Variants in PIAS4 observed in about 807,000 individuals in gnomAD.
PIAS4 encodes protein inhibitor of activated STAT 4, also known as E3 SUMO-protein ligase PIAS4.
In PIAS4, 7 loss-of-function variants were observed where a neutral mutation model predicts 58.0. The ratio of observed to expected loss-of-function variants is 0.12; its 90% CI spans 0.07 to 0.23. The LOEUF (loss-of-function observed/expected upper bound fraction) is 0.23. Among genes scored for constraint, PIAS4 ranks in the 10% least tolerant of loss-of-function variants. The probability of loss-of-function intolerance (pLI) is 1.00; values close to 1 mark genes in which losing one functional copy is unlikely to be tolerated. For missense variants in PIAS4, 550 were observed against 709.5 expected (o/e 0.78, Z 2.55); for synonymous variants, 364 against 312.4 (o/e 1.17, Z -1.74).
At position 4,033,092 on chromosome 19, in the gene PIAS4, C is replaced by T. The variant is rs766299411; in HGVS notation, c.908-8C>T. 7 of 1,610,452 alleles carry T rather than the reference C, an allele frequency of 4.3e-6. No homozygotes were observed. Among genetic ancestry groups the T allele is most frequent in the South Asian group, 1.1e-5 (1 of 91,072 alleles). ...CTCCTGACGGTGTCTTCCGTTCCCT[C>T]CCCACAGTCAAGGAGAAGCTGCGCC... On this transcript the variant is annotated splice_region_variant and splice_polypyrimidine_tract_variant and intron_variant, in intron 7 of 10. Coordinates refer to ENST00000262971, the MANE Select transcript of PIAS4 (RefSeq NM_015897.4).
At position 4,037,306 on chromosome 19, in the gene PIAS4, T is replaced by C; in HGVS notation, c.1143-68T>C. The C allele has an allele frequency of 7.9e-7, 1 of 1,270,168 alleles. No homozygotes were observed. Among genetic ancestry groups the C allele is most frequent in the Non-Finnish European group, 1.0e-6 (1 of 962,456 alleles). 78.7% of individuals were successfully genotyped at this position (1,270,168 alleles called of 1,614,324 possible). On this transcript the variant is annotated intron_variant, in intron 9 of 10. Transcript: ENST00000262971. This position sits in a 1 kb window ranked among gnomAD's most constrained non-coding sequence, Gnocchi z 5.8. The stretch of plus-strand genomic sequence containing the variant: ...AGTGCCTGGCTGCATCCGGGAGGGA[T>C]GGAGGGCTGGGGAGTTGGGGGGGTG...
chr19:4,036,965 GCACA>G (rs370127664), intron 9 of PIAS4, among the ~76,000 whole-genome samples: 1 of 152,112 alleles, frequency 6.6e-6, no homozygotes, highest in South Asian at 2.1e-4. Context: ...ATGCACACGT[GCACA>G]CACACGCACA....
At chr19:4,012,207 CA>C (rs1250149794) in intron 1 of PIAS4, among the ~76,000 whole-genome samples, 2 of 151,878 alleles carry the variant, frequency 1.3e-5, no homozygotes, top group East Asian at 3.9e-4. Flanking sequence ...CCCACAGGCC[CA>C]GCCCTGTGTT....
intron 2 of PIAS4, among the ~76,000 whole-genome samples, chr19:4,022,527 C>A (rs1014212435): frequency 6.6e-6 from 1 of 151,154 alleles, no homozygotes; most frequent in Non-Finnish European, 1.5e-5. Context: ...CCACTACACC[C>A]AGCTAATTTT....
At position 4,036,345 on chromosome 19, in the gene PIAS4, A is replaced by C. The variant is rs1473869697; in HGVS notation, c.1143-1029A>C. ...TTACATGCACACATCTATACAGTCC[A>C]CACCGTCACACATCTATACAGTCCA... On this transcript the variant is annotated intron_variant, in intron 9 of 10. Transcript: ENST00000262971. Among the ~76,000 whole-genome samples, 3 of 119,610 alleles carry C rather than the reference A, an allele frequency of 2.5e-5. 1 individual carries two copies. The Admixed American group carries it at 2.6e-4, about 10-fold the overall frequency. 78.5% of individuals were successfully genotyped at this position (119,610 alleles called of 152,430 possible). A position where few individuals can be genotyped will look rare whatever the true frequency, so the allele number is the denominator to read the frequency against.
intron 2 of PIAS4, among the ~76,000 whole-genome samples, chr19:4,019,089 G>C (rs891023062): frequency 6.6e-6 from 1 of 152,118 alleles, no homozygotes; most frequent in Non-Finnish European, 1.5e-5. Context: ...TTTGAAAACA[G>C]AGCTGACAGG....
intron 2 of PIAS4, among the ~76,000 whole-genome samples, chr19:4,017,102 C>T (rs1395864604): frequency 6.6e-6 from 1 of 152,186 alleles, no homozygotes; most frequent in Non-Finnish European, 1.5e-5. Flanking sequence ...GTCACTGTCC[C>T]ACATGTGGGG....
At chr19:4,025,081 C>T (rs1436776896) in intron 3 of PIAS4, among the ~76,000 whole-genome samples, 3 of 152,186 alleles carry the variant, frequency 2.0e-5, no homozygotes, top group African/African-American at 4.8e-5. Flanking sequence ...GGTTTTTTCC[C>T]AGTTATATAA....
rs1347074508 is a variant in PIAS4, at chr19:4,007,901, G to C, written c.27+114G>C. On this transcript the variant is annotated intron_variant, in intron 1 of 10. Coordinates refer to ENST00000262971, the MANE Select transcript of PIAS4 (RefSeq NM_015897.4). ...GGCCCCACAGCGCGGCCGGCCCGCG[G>C]CTCGCCGTCCCGGCCCCCAGACCCC... is the stretch of plus-strand genomic sequence containing the variant. 3 of 795,512 alleles carry C rather than the reference G, an allele frequency of 3.8e-6. No homozygotes were observed. In the East Asian group the frequency reaches 1.2e-4, roughly 32 times the overall value. The allele number at this position is 795,512 out of a possible 1,614,324, so 49.3% of individuals were successfully genotyped here. A position where few individuals can be genotyped will look rare whatever the true frequency, so the allele number is the denominator to read the frequency against.
chr19:4,033,015 G>A (rs1048725104), intron 7 of PIAS4, 85 bp from the exon 8 acceptor site: 39 of 1,069,796 alleles, frequency 3.6e-5, no homozygotes, highest in Non-Finnish European at 5.3e-5. Context: ...GGAGGTGGAC[G>A]TCAGTGCCGG....
chr19:4,028,069 C>T (rs4520954), intron 3 of PIAS4, 77 bp from the exon 4 acceptor site: 1,298,310 of 1,416,516 alleles, frequency 0.92, 597,438 homozygotes, highest in East Asian at 0.97. Flanking sequence ...CGGTCTCCAC[C>T]TTGTCGGGTG....
rs185011256 is a variant in PIAS4 at position 4,026,397 on chromosome 19, G to C, written c.540-1749G>C. Among the ~76,000 whole-genome samples, 864 of 151,746 alleles carry C rather than the reference G, an allele frequency of 5.7e-3. 9 individuals are homozygous for C. Among genetic ancestry groups the C allele is most frequent in the South Asian group, 0.032 (155 of 4,824 alleles). On this transcript the variant is annotated intron_variant, in intron 3 of 10. Transcript: ENST00000262971. ...CCACCCCACATCTGCCTCCCAAAGTGCTGGGATTACAGGCGTGAGCCACCC... is the reference window on the plus strand; with the variant it reads ...CCACCCCACATCTGCCTCCCAAAGTCCTGGGATTACAGGCGTGAGCCACCC...
Position 4,013,790 on chromosome 19 carries a change from C to T in PIAS4, c.454+441C>T, listed in dbSNP as rs1172814321. On this transcript the variant is annotated intron_variant, in intron 2 of 10. Coordinates refer to ENST00000262971, the MANE Select transcript of PIAS4 (RefSeq NM_015897.4). This position sits in a 1 kb window ranked among gnomAD's most constrained non-coding sequence, Gnocchi z 5.1. The stretch of plus-strand genomic sequence containing the variant: ...GGTCCTCATGGTGCGGACTCCTGCA[C>T]GGATTGCCTGGGCGTCCTCAGCCTG... Among the ~76,000 whole-genome samples the T allele has an allele frequency of 2.0e-5, 3 of 152,170 alleles. No homozygotes were observed. Among genetic ancestry groups the T allele is most frequent in the South Asian group, 2.1e-4 (1 of 4,832 alleles).
At chr19:4,023,963 G>C in intron 2 of PIAS4, 73 bp from the exon 3 acceptor site, 1 of 999,730 alleles carries the variant, frequency 1.0e-6, no homozygotes, top group Non-Finnish European at 1.6e-6. Context: ...AGAGGCGCAG[G>C]CTGGGAAAAG....
In PIAS4 at chr19:4,037,861, G is replaced by A. The variant is rs1369152617; in HGVS notation, c.1519G>A (p.Val507Met). 1 of 1,565,884 alleles carries A rather than the reference G, an allele frequency of 6.4e-7. No homozygotes were observed. The highest frequency in any genetic ancestry group is 1.9e-5 in the Admixed American group (1 of 53,140). ...KRRCPFQKGL[V>M]PAC ...CCGCTGCCCCTTCCAGAAGGGCCTGGTGCCGGCCTGCTGACCCCGGCCGCA... is the reference window on the plus strand; with the variant it reads ...CCGCTGCCCCTTCCAGAAGGGCCTGATGCCGGCCTGCTGACCCCGGCCGCA... The change falls in exon 11 of 11, where the codon GTG becomes ATG. Residue 507 changes from valine (V) to methionine (M), a missense_variant. Val to Met is a conservative substitution (Grantham distance 21). Transcript: ENST00000262971. This position sits in a 1 kb window ranked among gnomAD's most constrained non-coding sequence, Gnocchi z 5.8.
At chr19:4,028,635 G>T in intron 5 of PIAS4, 35 bp downstream of exon 5, 1 of 1,609,638 alleles carries the variant, frequency 6.2e-7, no homozygotes. Flanking sequence ...GGCTGCACGG[G>T]TTTGGGGGGC....
At chr19:4,036,639 T>C (rs2040293774) in intron 9 of PIAS4, among the ~76,000 whole-genome samples, 2 of 127,496 alleles carry the variant, frequency 1.6e-5, no homozygotes, top group Admixed American at 7.7e-5. Flanking sequence ...ATCTATACAG[T>C]CCACACTGTC....
intron 2 of PIAS4, among the ~76,000 whole-genome samples, chr19:4,022,962 G>A (rs370375673): frequency 1.3e-5 from 2 of 151,104 alleles, no homozygotes; most frequent in African/African-American, 2.4e-5. Flanking sequence ...ACCTGAGGTC[G>A]GGAGTTCGAG....
intron 7 of PIAS4, among the ~76,000 whole-genome samples, chr19:4,032,357 C>T (rs940748677): frequency 3.3e-5 from 5 of 151,982 alleles, no homozygotes; most frequent in Non-Finnish European, 5.9e-5. Context: ...TGGCCTGCCC[C>T]CCATGGCCCA....
Sources: allele counts gnomAD v4.1 joint callset (sites outside exome capture counted in the v4.1 genomes callset), GRCh38; gene constraint gnomAD v4.1.1; non-coding constraint Gnocchi (gnomAD v3.1); transcripts MANE v1.5; gene names NCBI Gene and HGNC (gene_info 2026-07-23, HGNC 2026-07-21).